The following CLYBL variants were observed in gnomAD, a reference collection of about 807,000 sequenced individuals.
CLYBL encodes citramalyl-CoA lyase, mitochondrial.
Under a neutral mutation model 38.9 loss-of-function variants are expected in CLYBL, and 31 were observed. That is an observed-to-expected ratio of 0.80 (90% CI 0.60 to 1.08). CLYBL has a LOEUF of 1.08. Among genes scored for constraint, CLYBL ranks in the 50% least tolerant of loss-of-function variants. The pLI is 0.00. For missense variants in CLYBL, 434 were observed against 411.6 expected (o/e 1.05, Z -0.47); for synonymous variants, 171 against 158.6 (o/e 1.08, Z -0.59).
chr13:99,650,257 C>A (rs903486105), intron 1 of CLYBL, among the ~76,000 whole-genome samples: 1 of 147,334 alleles, frequency 6.8e-6, no homozygotes, highest in Non-Finnish European at 1.5e-5. Context: ...AGCCAGACTC[C>A]GTCTCAAAAA....
chr13:99,792,082 C>T (rs1278354224), intron 2 of CLYBL, among the ~76,000 whole-genome samples: 1 of 152,002 alleles, frequency 6.6e-6, no homozygotes, highest in African/African-American at 2.4e-5. Context: ...TATTTTTTTT[C>T]CCTCCAGAAG....
intron 1 of CLYBL, among the ~76,000 whole-genome samples, chr13:99,734,945 C>T (rs1382557672): frequency 6.6e-6 from 1 of 151,996 alleles, no homozygotes; most frequent in African/African-American, 2.4e-5. Context: ...TGAATTTCAC[C>T]AGTAAAAAAA....
At chr13:99,801,392 A>C (rs1266681308) in intron 2 of CLYBL, among the ~76,000 whole-genome samples, 1 of 152,304 alleles carries the variant, frequency 6.6e-6, no homozygotes, top group East Asian at 1.9e-4. Flanking sequence ...GGCAAGAACC[A>C]TACTGTTCCA....
chr13:99,640,308 A>G (rs1297717206), intron 1 of CLYBL, among the ~76,000 whole-genome samples: 3 of 148,608 alleles, frequency 2.0e-5, no homozygotes, highest in African/African-American at 7.9e-5. Context: ...ACATTTCACT[A>G]TGGTTTTTTA....
chr13:99,839,568 T>G (rs902742694), intron 2 of CLYBL, among the ~76,000 whole-genome samples: 4 of 151,940 alleles, frequency 2.6e-5, no homozygotes, highest in African/African-American at 9.7e-5. Flanking sequence ...CTGACAGACA[T>G]GAGGAAATAA....
At chr13:99,847,634 C>T (rs528335050) in intron 2 of CLYBL, among the ~76,000 whole-genome samples, 1 of 152,280 alleles carries the variant, frequency 6.6e-6, no homozygotes, top group East Asian at 1.9e-4. Context: ...AGAATTCTTT[C>T]AGTGCTCTGG....
chr13:99,796,015 A>G (rs1036491621), intron 2 of CLYBL, among the ~76,000 whole-genome samples: 7 of 152,196 alleles, frequency 4.6e-5, no homozygotes, highest in Admixed American at 6.5e-5. Context: ...AGGGGAAAGC[A>G]AAGTAGAGAG....
intron 1 of CLYBL, among the ~76,000 whole-genome samples, chr13:99,671,546 G>A (rs529118968): frequency 4.6e-4 from 70 of 152,206 alleles, no homozygotes; most frequent in African/African-American, 1.6e-3. Context: ...TTGGGAGGCC[G>A]AGGTGGGCAG....
chr13:99,659,533 C>G (rs2047379609), intron 1 of CLYBL, among the ~76,000 whole-genome samples: 1 of 152,142 alleles, frequency 6.6e-6, no homozygotes, highest in South Asian at 2.1e-4. Context: ...TTGACACCCC[C>G]TTTTCATTTG....
chr13:99,709,073 G>T (rs917773761), intron 1 of CLYBL, among the ~76,000 whole-genome samples: 1 of 151,910 alleles, frequency 6.6e-6, no homozygotes, highest in Non-Finnish European at 1.5e-5. Context: ...AGCCTGGGCG[G>T]CAGAGCGAGA....
intron 3 of CLYBL, among the ~76,000 whole-genome samples, chr13:99,862,296 T>C (rs1019328253): frequency 1.3e-5 from 2 of 152,160 alleles, no homozygotes; most frequent in Non-Finnish European, 2.9e-5. Flanking sequence ...TGTGTTTTTT[T>C]CCCCCTTTTG....
chr13:99,818,832 G>T (rs935796069), intron 2 of CLYBL, among the ~76,000 whole-genome samples: 1 of 152,158 alleles, frequency 6.6e-6, no homozygotes, highest in Non-Finnish European at 1.5e-5. Flanking sequence ...TAGCACACCA[G>T]AAGCATTTTT....
At chr13:99,839,369 G>T (rs1327984100) in intron 2 of CLYBL, among the ~76,000 whole-genome samples, 3 of 152,202 alleles carry the variant, frequency 2.0e-5, no homozygotes, top group Admixed American at 6.5e-5. Context: ...CCATCCAGTG[G>T]CTGTGTTTAC....
chr13:99,888,805 C>A (rs1206008220), intron 7 of CLYBL, among the ~76,000 whole-genome samples: 2 of 152,094 alleles, frequency 1.3e-5, no homozygotes, highest in Non-Finnish European at 2.9e-5. Flanking sequence ...AAACCCTCCT[C>A]AAAAATCCAA....
At chr13:99,659,208 G>A (rs866039881) in intron 1 of CLYBL, among the ~76,000 whole-genome samples, 7 of 151,592 alleles carry the variant, frequency 4.6e-5, no homozygotes, top group South Asian at 4.1e-4. Flanking sequence ...AGCTATGTGT[G>A]TGTGTGTGTA....
chr13:99,650,349 G>A (rs1342425455), intron 1 of CLYBL, among the ~76,000 whole-genome samples: 2 of 152,152 alleles, frequency 1.3e-5, no homozygotes, highest in East Asian at 3.9e-4. Flanking sequence ...TTGAGCCCAG[G>A]AGTTTAAGGC....
At chr13:99,739,373 ACT>A (rs2048714855) in intron 1 of CLYBL, among the ~76,000 whole-genome samples, 2 of 152,200 alleles carry the variant, frequency 1.3e-5, no homozygotes, top group South Asian at 4.2e-4. Context: ...GTGTTGGCAG[ACT>A]CTGGCCAGGC....
At chr13:99,664,957 C>A (rs2139343424) in intron 1 of CLYBL, among the ~76,000 whole-genome samples, 1 of 151,998 alleles carries the variant, frequency 6.6e-6, no homozygotes, top group African/African-American at 2.4e-5. Context: ...ATAACATCTT[C>A]CTTTTAATTT....
rs538064659 is a variant in CLYBL at position 99,655,660 on chromosome 13, T to C, written c.62+48903T>C. On this transcript the variant is annotated intron_variant, in intron 1 of 8. Coordinates refer to ENST00000339105, the MANE Select transcript of CLYBL (RefSeq NM_206808.5). ...CCATGAAGCTGACAATCAGAGCAAGTATTTGAAGCCTGGGAAGCTGTGTGG... is the reference window on the plus strand; with the variant it reads ...CCATGAAGCTGACAATCAGAGCAAGCATTTGAAGCCTGGGAAGCTGTGTGG... Among the ~76,000 whole-genome samples the C allele has an allele frequency of 9.1e-4, 139 of 152,278 alleles. 2 individuals are homozygous for C. Among genetic ancestry groups the C allele is most frequent in the African/African-American group, 2.9e-3 (122 of 41,534 alleles).
Sources: gnomAD v4.1 joint callset for allele counts (sites outside exome capture counted in the v4.1 genomes callset) on GRCh38, gnomAD v4.1.1 for gene constraint, MANE v1.5 for transcripts, NCBI Gene and HGNC (gene_info 2026-07-23, HGNC 2026-07-21) for gene names.